The following KAT2B variants were observed in gnomAD, a reference collection of about 807,000 sequenced individuals.
KAT2B encodes the protein lysine acetyltransferase 2B, also known as histone acetyltransferase KAT2B.
In KAT2B, 36 loss-of-function variants were observed where a neutral mutation model predicts 105.9. The observed-to-expected ratio is 0.34, with a 90% confidence interval of 0.26 to 0.45. The LOEUF (loss-of-function observed/expected upper bound fraction) is 0.45, where lower values mean the gene tolerates loss of function less well. Ranked by LOEUF, KAT2B falls within the 20% of genes least tolerant of loss-of-function variation. The probability of loss-of-function intolerance (pLI) is 1.00; values close to 1 mark genes in which losing one functional copy is unlikely to be tolerated. For missense variants in KAT2B, 820 were observed against 1,021.6 expected (o/e 0.80, Z 2.69); for synonymous variants, 397 against 377.9 (o/e 1.05, Z -0.59).
intron 1 of KAT2B, among the ~76,000 whole-genome samples, chr3:20,058,269 C>G (rs1698034694): frequency 6.6e-6 from 1 of 151,862 alleles, no homozygotes; most frequent in Non-Finnish European, 1.5e-5. Flanking sequence ...ACCAGCCTGG[C>G]CAACATGGTG....
Position 20,079,061 on chromosome 3 carries a change from T to A in KAT2B, c.430+6602T>A, listed in dbSNP as rs572525083. 1.8e-3 allele frequency among the ~76,000 whole-genome samples: 277 copies of A among 149,950 alleles called. 3 individuals carry two copies. The highest frequency in any genetic ancestry group is 6.6e-3 in the African/African-American group (267 of 40,756). On this transcript the variant is annotated intron_variant, in intron 2 of 17. Coordinates refer to ENST00000263754, the MANE Select transcript of KAT2B (RefSeq NM_003884.5). ...ACCACACCCAGCTAATTTTTATAAT[T>A]ATTATTATTATTATTTTTTAGTAGA...
intron 10 of KAT2B, among the ~76,000 whole-genome samples, chr3:20,126,834 A>C (rs568840988): frequency 2.0e-5 from 3 of 151,624 alleles, no homozygotes; most frequent in Non-Finnish European, 4.4e-5. Flanking sequence ...AAAAAAAAAA[A>C]AAAAAACCCA....
chr3:20,109,207 T>G (rs534470944), intron 5 of KAT2B, among the ~76,000 whole-genome samples: 2 of 152,296 alleles, frequency 1.3e-5, no homozygotes, highest in East Asian at 3.9e-4. Context: ...AAATTGAACT[T>G]CTGATTATGA....
rs140162853 is a variant in KAT2B at position 20,044,749 on chromosome 3, A to T, written c.303+3969A>T. ...AGCCTTCCCATTAGAAATTATCCAA[A>T]TTCATCTGTACTCTTCCTGGTGCTT... On this transcript the variant is annotated intron_variant, in intron 1 of 17. Coordinates refer to ENST00000263754, the MANE Select transcript of KAT2B (RefSeq NM_003884.5). 8.6e-3 allele frequency among the ~76,000 whole-genome samples: 1,316 copies of T among 152,160 alleles called. 17 individuals are homozygous for T. The highest frequency in any genetic ancestry group is 0.031 in the African/African-American group (1,269 of 41,512).
Position 20,141,786 on chromosome 3 carries a change from C to CTTT in KAT2B, c.2004+1434_2004+1436dup, listed in dbSNP as rs11417956. ...TGTTTCCTGGGGAAGTGAGCAAAGG[C>CTTT]TTTTTTTTTTTTTTGGAAAATACAA... On this transcript the variant is annotated intron_variant, in intron 13 of 17. Coordinates refer to ENST00000263754, the MANE Select transcript of KAT2B (RefSeq NM_003884.5). Among the ~76,000 whole-genome samples the CTTT allele has an allele frequency of 2.3e-4, 32 of 140,282 alleles. No homozygotes were observed. In the South Asian group the frequency reaches 5.1e-3, roughly 23 times the overall value. The allele number at this position is 140,282 out of a possible 152,430, so 92.0% of individuals were successfully genotyped here. A position where few individuals can be genotyped will look rare whatever the true frequency, so the allele number is the denominator to read the frequency against.
chr3:20,150,242 G>A (rs181486183), intron 17 of KAT2B, among the ~76,000 whole-genome samples: 2 of 152,130 alleles, frequency 1.3e-5, no homozygotes, highest in African/African-American at 4.8e-5. Flanking sequence ...TCTTGGTATT[G>A]TTCAGATGCT....
intron 1 of KAT2B, among the ~76,000 whole-genome samples, chr3:20,048,051 A>G (rs1697846479): frequency 1.3e-5 from 2 of 152,164 alleles, no homozygotes; most frequent in African/African-American, 2.4e-5. Context: ...GCATGGAGGG[A>G]GGTGGATAAG....
At chr3:20,085,090 C>T (rs1698589087) in intron 2 of KAT2B, among the ~76,000 whole-genome samples, 1 of 152,264 alleles carries the variant, frequency 6.6e-6, no homozygotes, top group East Asian at 1.9e-4. Context: ...AGGCTCACAC[C>T]TGTAATCCTA....
Position 20,149,495 on chromosome 3 carries a change from C to CAAAAAAAAAAAAAAAAAAAAA in KAT2B, c.2305+1013_2305+1033dup, listed in dbSNP as rs56091316. On this transcript the variant is annotated intron_variant, in intron 17 of 17. Transcript: ENST00000263754. ...TGGGCACTGGAGGGAGACCGTATCTCAAAAAAAAAAAAAAAAAAAAAAAAA... is the reference window on the plus strand; with the variant it reads ...TGGGCACTGGAGGGAGACCGTATCTCAAAAAAAAAAAAAAAAAAAAAAAAAAAAAAAAAAAAAAAAAAAAAA... 3.6e-3 allele frequency among the ~76,000 whole-genome samples: 154 copies of CAAAAAAAAAAAAAAAAAAAAA among 42,432 alleles called. 4 individuals carry two copies. The highest frequency in any genetic ancestry group is 9.8e-3 in the East Asian group (5 of 512). 27.8% of individuals were successfully genotyped at this position (42,432 alleles called of 152,430 possible). A position where few individuals can be genotyped will look rare whatever the true frequency, so the allele number is the denominator to read the frequency against.
intron 2 of KAT2B, among the ~76,000 whole-genome samples, chr3:20,084,856 T>C (rs1180549488): frequency 6.6e-6 from 1 of 152,220 alleles, no homozygotes; most frequent in African/African-American, 2.4e-5. Context: ...TGATTAGTAA[T>C]TAATTTTGGT....
At chr3:20,079,951 T>G (rs1698490838) in intron 2 of KAT2B, among the ~76,000 whole-genome samples, 1 of 152,240 alleles carries the variant, frequency 6.6e-6, no homozygotes, top group African/African-American at 2.4e-5. Flanking sequence ...GTATAAGTTA[T>G]GTCTCCCTGA....
chr3:20,145,268 A>G (rs568603162), intron 13 of KAT2B, among the ~76,000 whole-genome samples: 24 of 152,340 alleles, frequency 1.6e-4, no homozygotes, highest in South Asian at 4.1e-4. Flanking sequence ...CTAGTAGAAA[A>G]ATTTAAATTA....
intron 11 of KAT2B, among the ~76,000 whole-genome samples, chr3:20,129,080 C>CGGATGATT (rs1432143982): frequency 6.6e-6 from 1 of 150,982 alleles, no homozygotes; most frequent in Non-Finnish European, 1.5e-5. Flanking sequence ...TTAGCAGCTC[C>CGGATGATT]GGATGATTAA....
At chr3:20,095,644 A>G (rs936073901) in intron 3 of KAT2B, among the ~76,000 whole-genome samples, 8 of 152,212 alleles carry the variant, frequency 5.3e-5, no homozygotes, top group Non-Finnish European at 1.0e-4. Context: ...TGGTTTGCAT[A>G]TGCAAATAGA....
At chr3:20,046,718 C>T (rs980838717) in intron 1 of KAT2B, among the ~76,000 whole-genome samples, 21 of 152,278 alleles carry the variant, frequency 1.4e-4, no homozygotes, top group Non-Finnish European at 2.6e-4. Context: ...AGTTGGAGAG[C>T]GCCCCCAACA....
chr3:20,142,701 G>C (rs533019284), intron 13 of KAT2B, among the ~76,000 whole-genome samples: 92 of 152,290 alleles, frequency 6.0e-4, no homozygotes, highest in African/African-American at 2.2e-3. Context: ...ACAGGGCTTT[G>C]TGGGACATTT....
intron 1 of KAT2B, among the ~76,000 whole-genome samples, chr3:20,044,718 CT>C (rs941603331): frequency 6.6e-6 from 1 of 152,190 alleles, no homozygotes; most frequent in Non-Finnish European, 1.5e-5. Context: ...CTTTACCCCC[CT>C]GAGCAGCCTT....
At chr3:20,119,757 G>T in intron 8 of KAT2B, 34 bp downstream of exon 8, 1 of 1,610,982 alleles carries the variant, frequency 6.2e-7, no homozygotes, top group Non-Finnish European at 8.5e-7. Context: ...AGAGGGCTGT[G>T]ACTTGCTCCA....
chr3:20,121,695 A>G (rs1017779263), intron 8 of KAT2B, among the ~76,000 whole-genome samples: 1 of 151,740 alleles, frequency 6.6e-6, no homozygotes, highest in African/African-American at 2.4e-5. Flanking sequence ...ATATAGCTAT[A>G]TATACATAAT....
Sources: gnomAD v4.1 joint callset for allele counts (sites outside exome capture counted in the v4.1 genomes callset) on GRCh38, gnomAD v4.1.1 for gene constraint, MANE v1.5 for transcripts, NCBI Gene and HGNC (gene_info 2026-07-23, HGNC 2026-07-21) for gene names.